PRMT9: variants seen among roughly 807,000 people sequenced by gnomAD.
PRMT9 encodes protein arginine N-methyltransferase 9.
PRMT9 carries 59 observed loss-of-function variants against 83.2 expected under a neutral mutation model. The ratio of observed to expected loss-of-function variants is 0.71; its 90% confidence interval spans 0.57 to 0.88. PRMT9 has a LOEUF of 0.88. Ranked by LOEUF, PRMT9 falls within the 40% of genes least tolerant of loss-of-function variation. PRMT9 has a pLI of 0.00. For missense variants in PRMT9, 947 were observed against 1,021.9 expected (o/e 0.93, Z 1.00); for synonymous variants, 333 against 353.2 (o/e 0.94, Z 0.64).
At chr4:147,653,764 A>G (rs1194068526) in intron 9 of PRMT9, 88 bp downstream of exon 9, 3 of 882,162 alleles carry the variant, frequency 3.4e-6, no homozygotes, top group Admixed American at 2.3e-5. Flanking sequence ...TTATTTTTAC[A>G]GTTAAGCGAT....
chr4:147,680,225 C>T (rs1736374036), intron 2 of PRMT9, 98 bp downstream of exon 2: 1 of 1,073,822 alleles, frequency 9.3e-7, no homozygotes, highest in African/African-American at 1.6e-5. Flanking sequence ...AATAATTCTC[C>T]ATATTAAACT....
Position 147,680,307 on chromosome 4 carries a change from T to C in PRMT9, c.338+16A>G, listed in dbSNP as rs373180080. 1.2e-6 allele frequency: 2 copies of C among 1,612,576 alleles called. No individual in the cohort carries two copies. The highest frequency in any genetic ancestry group is 2.7e-5 in the African/African-American group (2 of 74,912). ...CAGAATAATTCTTAACAAGTAATAC[T>C]AAAATCACTACAAACCTGAAGAGAT... On this transcript the variant is annotated intron_variant, in intron 2 of 11. Coordinates refer to ENST00000322396, the MANE Select transcript of PRMT9 (RefSeq NM_138364.4).
At chr4:147,666,364 A>AT (rs1578918732) in intron 6 of PRMT9, among the ~76,000 whole-genome samples, 1 of 152,182 alleles carries the variant, frequency 6.6e-6, no homozygotes, top group East Asian at 1.9e-4. Flanking sequence ...CATCAAATAG[A>AT]TTTTTTGGCC....
At chr4:147,645,535 A>C (rs1230769513) in intron 9 of PRMT9, among the ~76,000 whole-genome samples, 1 of 152,234 alleles carries the variant, frequency 6.6e-6, no homozygotes, top group East Asian at 1.9e-4. Flanking sequence ...ATTTGTTCTT[A>C]GGAAACACAT....
intron 9 of PRMT9, among the ~76,000 whole-genome samples, chr4:147,648,833 G>A (rs969567513): frequency 2.2e-4 from 33 of 151,880 alleles, no homozygotes; most frequent in African/African-American, 7.0e-4. Flanking sequence ...GAGATGAATG[G>A]TGACTAAGGC....
intron 2 of PRMT9, among the ~76,000 whole-genome samples, chr4:147,677,902 A>T (rs1384403362): frequency 6.6e-6 from 1 of 152,204 alleles, no homozygotes; most frequent in Non-Finnish European, 1.5e-5. Context: ...GTTTACATTA[A>T]TTATCACAGG....
At chr4:147,658,363 AAGAG>A (rs968694268) in intron 7 of PRMT9, among the ~76,000 whole-genome samples, 5 of 151,524 alleles carry the variant, frequency 3.3e-5, no homozygotes, top group South Asian at 4.2e-4. Flanking sequence ...GAGAGTGAGA[AAGAG>A]AGAGAGTGAG....
chr4:147,661,261 T>TAAAAAAAAAAAAAAAAAACAAAAAAA (rs35220006), intron 6 of PRMT9: 1 of 278,614 alleles, frequency 3.6e-6, no homozygotes, highest in Non-Finnish European at 6.3e-6. Flanking sequence ...GTCTGCTCAC[T>TAAAAAAAAAAAAAAAAAACAAAAAAA]AAAAAAAAAA....
intron 6 of PRMT9, among the ~76,000 whole-genome samples, chr4:147,662,042 A>T (rs1448884798): frequency 6.6e-6 from 1 of 152,178 alleles, no homozygotes; most frequent in Non-Finnish European, 1.5e-5. Context: ...AGTCAACAGA[A>T]ATTAATACAT....
At chr4:147,650,852 C>T (rs1233890363) in intron 9 of PRMT9, among the ~76,000 whole-genome samples, 3 of 152,104 alleles carry the variant, frequency 2.0e-5, no homozygotes, top group Admixed American at 6.6e-5. Flanking sequence ...CCTGTAATCC[C>T]AGCACTTTGG....
intron 1 of PRMT9, among the ~76,000 whole-genome samples, chr4:147,680,779 A>C (rs1736412030): frequency 6.6e-6 from 1 of 151,984 alleles, no homozygotes; most frequent in African/African-American, 2.4e-5. Context: ...GTGTTTTTGG[A>C]GTTTGTCCTT....
intron 8 of PRMT9, among the ~76,000 whole-genome samples, chr4:147,656,658 T>C (rs1211611043): frequency 6.7e-6 from 1 of 148,162 alleles, no homozygotes; most frequent in Non-Finnish European, 1.5e-5. Flanking sequence ...TGTAGTCCCA[T>C]ATACTCAAGA....
rs145050413 is a variant in PRMT9, at chr4:147,657,960, C to T, written c.1162G>A (p.Ala388Thr). 94 of 1,601,560 alleles carry T rather than the reference C, an allele frequency of 5.9e-5. No homozygotes were observed. Among genetic ancestry groups the T allele is most frequent in the African/African-American group, 3.7e-4 (27 of 73,294 alleles). ...CCAATCTTATCAGGCTTTTTAGTTG[C>T]AAGACTTTTTAATTCCTGAGAAAAA... ...FNNLQELKSL[A>T]TKKPDKIGIP... Residue 388 changes from alanine (A) to threonine (T), a missense_variant, in exon 8 of 12, where the codon GCA (alanine) becomes ACA (threonine). By Grantham distance (58) the Ala-to-Thr change is moderately conservative. Transcript: ENST00000322396.
At position 147,660,933 on chromosome 4, in the gene PRMT9, T is replaced by G. The variant is rs1189413159; in HGVS notation, c.1059A>C (p.Thr353=). 50 of 1,613,056 alleles carry G rather than the reference T, an allele frequency of 3.1e-5. No homozygotes were observed. Among genetic ancestry groups the G allele is most frequent in the Non-Finnish European group, 3.9e-5 (46 of 1,179,176 alleles). Residue 353 remains threonine (T), a synonymous_variant, in exon 7 of 12, where the codon ACA becomes ACC. Coordinates refer to ENST00000322396, the MANE Select transcript of PRMT9 (RefSeq NM_138364.4). ...VDTEETIEPY[T]TEKMSRVPGG... ...CAGGAACTCGACTCATCTTTTCAGTTGTATAAGGTTCAATTGTTTCTTCAG... is the reference window on the plus strand; with the variant it reads ...CAGGAACTCGACTCATCTTTTCAGTGGTATAAGGTTCAATTGTTTCTTCAG...
At chr4:147,664,877 G>A (rs1290431846) in intron 6 of PRMT9, among the ~76,000 whole-genome samples, 2 of 151,976 alleles carry the variant, frequency 1.3e-5, no homozygotes, top group Non-Finnish European at 2.9e-5. Context: ...CACTTGGGGA[G>A]GCCGAGGCAA....
chr4:147,656,413 G>GC (rs1368558716), intron 8 of PRMT9, among the ~76,000 whole-genome samples: 2 of 151,742 alleles, frequency 1.3e-5, no homozygotes, highest in Non-Finnish European at 2.9e-5. Flanking sequence ...CTTCCTCAGT[G>GC]CCCCAAGTAG....
At chr4:147,667,095 G>A (rs991593919) in intron 6 of PRMT9, among the ~76,000 whole-genome samples, 2 of 152,180 alleles carry the variant, frequency 1.3e-5, no homozygotes, top group Non-Finnish European at 1.5e-5. Context: ...CCATGTTACA[G>A]CAAGAAATCT....
chr4:147,654,112 A>G lies in PRMT9; in HGVS notation c.1785T>C (p.Pro595=). 5.0e-6 allele frequency: 8 copies of G among 1,614,210 alleles called. No individual in the cohort carries two copies. In the Middle Eastern group the frequency reaches 4.9e-4, roughly 100 times the overall value. The change falls in exon 9 of 12, where the codon CCT becomes CCC. Residue 595 remains proline, a synonymous_variant. Coordinates refer to ENST00000322396, the MANE Select transcript of PRMT9 (RefSeq NM_138364.4). The part of the protein sequence containing the change: ...LDVSEGFSVL[P]VIAGTLGQVK... Reference sequence around the variant, plus strand: ...CCTGCCCAAGTGTGCCAGCAATAACAGGCAGAACAGAGAAGCCTTCGGACA... The same window carrying G: ...CCTGCCCAAGTGTGCCAGCAATAACGGGCAGAACAGAGAAGCCTTCGGACA...
chr4:147,680,362 T>C lies in PRMT9; in HGVS notation c.299A>G (p.Asp100Gly). The change falls in exon 2 of 12, where the codon GAT (aspartate) becomes GGT (glycine). Residue 100 changes from aspartate to glycine, a missense_variant. Transcript: ENST00000322396. ...CCCCATACTATTGCAAATCACTTCA[T>C]CATCAGGAAACAGTTCCAAGGCCTG... is the stretch of plus-strand genomic sequence containing the variant. Reference protein sequence around the residue: ...YEQALELFPDDEVICNSMGEH... With the variant: ...YEQALELFPDGEVICNSMGEH... 1.2e-6 allele frequency: 2 copies of C among 1,614,126 alleles called. No individual in the cohort carries two copies. Among genetic ancestry groups the C allele is most frequent in the South Asian group, 2.2e-5 (2 of 91,084 alleles).
Sources: allele counts gnomAD v4.1 joint callset (sites outside exome capture counted in the v4.1 genomes callset), GRCh38; gene constraint gnomAD v4.1.1; transcripts MANE v1.5; gene names NCBI Gene and HGNC (gene_info 2026-07-23, HGNC 2026-07-21).